CAB39L: variants seen among roughly 807,000 people sequenced by gnomAD.
The protein encoded by CAB39L is calcium-binding protein 39-like.
A neutral mutation model predicts 39.1 loss-of-function variants in CAB39L; 23 were observed. That is an observed-to-expected ratio of 0.59 (90% CI 0.42 to 0.83). The LOEUF is 0.83. CAB39L is among the 40% of genes least tolerant of loss of function. The pLI, the probability that CAB39L is intolerant of heterozygous loss-of-function variation, is 0.00. For missense variants in CAB39L, 366 were observed against 391.9 expected (o/e 0.93, Z 0.56); for synonymous variants, 126 against 137.2 (o/e 0.92, Z 0.57).
At position 49,395,775 on chromosome 13, in the gene CAB39L, A is replaced by G. The variant is rs543654166; in HGVS notation, c.-31-12834T>C. On this transcript the variant is annotated intron_variant, in intron 3 of 10. Transcript: ENST00000409308. ...CACCATTGAAGATGGCCCAAAATCA[A>G]CCACCCAATTGAGTCATCTGAATAT... 5.3e-5 allele frequency among the ~76,000 whole-genome samples: 8 copies of G among 152,176 alleles called. No homozygotes were observed. In the East Asian group the frequency reaches 1.3e-3, roughly 26 times the overall value.
chr13:49,420,847 A>G (rs1050222709), intron 3 of CAB39L, among the ~76,000 whole-genome samples: 17 of 152,180 alleles, frequency 1.1e-4, no homozygotes, highest in Admixed American at 9.2e-4. Context: ...AGAACTACAA[A>G]GCAGAAAAAA....
chr13:49,339,686 C>A lies in CAB39L; in HGVS notation c.681G>T (p.Gln227His), dbSNP rs749157308. ...LQSENYVTKR[Q>H]SLKLLGELIL... ...AGAAATTTGATATTACCTTTAAAGA[C>A]TGTCTCTTAGTAACATAATTCTCAG... The change falls in exon 9 of 11, where the codon CAG becomes CAT. Residue 227 changes from glutamine to histidine, a missense_variant. Gln to His is a conservative substitution (Grantham distance 24). Coordinates refer to ENST00000409308, the MANE Select transcript of CAB39L (RefSeq NM_001079670.3). 6 of 1,571,850 alleles carry A rather than the reference C, an allele frequency of 3.8e-6. No homozygotes were observed. The highest frequency in any genetic ancestry group is 5.2e-6 in the Non-Finnish European group (6 of 1,162,844).
chr13:49,402,818 G>C (rs1490047497), intron 3 of CAB39L, among the ~76,000 whole-genome samples: 6 of 152,006 alleles, frequency 3.9e-5, no homozygotes, highest in Admixed American at 3.9e-4. Context: ...TATTAAATAG[G>C]TATCAAAGAC....
chr13:49,364,387 G>C (rs960032782), intron 5 of CAB39L, among the ~76,000 whole-genome samples: 1 of 152,136 alleles, frequency 6.6e-6, no homozygotes, highest in African/African-American at 2.4e-5. Context: ...CTTAGATTTG[G>C]AGCATGACAA....
At chr13:49,341,255 T>C (rs6561520) in intron 8 of CAB39L, among the ~76,000 whole-genome samples, 42,214 of 151,546 alleles carry the variant, frequency 0.28, 6,145 homozygotes, top group East Asian at 0.48. Context: ...TTTCTTTTTC[T>C]TTTTCTTTTT....
intron 7 of CAB39L, among the ~76,000 whole-genome samples, chr13:49,349,129 C>T (rs1340587687): frequency 6.6e-6 from 1 of 152,136 alleles, no homozygotes; most frequent in Non-Finnish European, 1.5e-5. Context: ...GCAGAGCAAA[C>T]CACTGCTTTC....
chr13:49,408,224 C>T (rs946980104), intron 3 of CAB39L, among the ~76,000 whole-genome samples: 5 of 152,058 alleles, frequency 3.3e-5, no homozygotes, highest in African/African-American at 1.2e-4. Context: ...AATTGAGAGA[C>T]GAGTCAAGAT....
At position 49,378,526 on chromosome 13, in the gene CAB39L, G is replaced by A. The variant is rs1351537900; in HGVS notation, c.112-1395C>T. On this transcript the variant is annotated intron_variant, in intron 4 of 10. Transcript: ENST00000409308. Reference sequence around the variant, plus strand: ...CTCAGCCCGGCCAGCCACCCCGTCCGGGAGGGAGATGGGGGGGTCAGCCCC... The same window carrying A: ...CTCAGCCCGGCCAGCCACCCCGTCCAGGAGGGAGATGGGGGGGTCAGCCCC... Among the ~76,000 whole-genome samples the A allele has an allele frequency of 6.3e-5, 4 of 63,134 alleles. 1 individual carries two copies. Among genetic ancestry groups the A allele is most frequent in the Admixed American group, 1.2e-4 (1 of 8,570 alleles). 41.4% of individuals were successfully genotyped at this position (63,134 alleles called of 152,430 possible).
At chr13:49,390,731 C>T (rs1235412738) in intron 3 of CAB39L, among the ~76,000 whole-genome samples, 2 of 151,986 alleles carry the variant, frequency 1.3e-5, no homozygotes, top group Non-Finnish European at 2.9e-5. Flanking sequence ...AATAGAATAG[C>T]TGATTGGTAG....
intron 9 of CAB39L, among the ~76,000 whole-genome samples, chr13:49,335,619 T>C (rs1954824824): frequency 6.6e-6 from 1 of 152,110 alleles, no homozygotes; most frequent in Non-Finnish European, 1.5e-5. Context: ...ATGCAGCAAG[T>C]GGAAATAAGT....
At chr13:49,440,574 C>A (rs1233802327) in intron 1 of CAB39L, among the ~76,000 whole-genome samples, 1 of 151,816 alleles carries the variant, frequency 6.6e-6, no homozygotes, top group East Asian at 1.9e-4. Flanking sequence ...GGCAGTATGG[C>A]GATTCTAATG....
At chr13:49,314,371 GA>G (rs963696718) in intron 10 of CAB39L, among the ~76,000 whole-genome samples, 2 of 152,192 alleles carry the variant, frequency 1.3e-5, no homozygotes, top group Non-Finnish European at 2.9e-5. Flanking sequence ...TAAGTCTCCT[GA>G]AAGCCTTCTG....
chr13:49,409,015 G>A (rs1332930380), intron 3 of CAB39L, among the ~76,000 whole-genome samples: 1 of 152,154 alleles, frequency 6.6e-6, no homozygotes, highest in African/African-American at 2.4e-5. Flanking sequence ...CAAAGCAAAG[G>A]TATTAGTGGG....
intron 3 of CAB39L, among the ~76,000 whole-genome samples, chr13:49,416,080 T>C (rs1171988588): frequency 6.6e-6 from 1 of 152,180 alleles, no homozygotes; most frequent in African/African-American, 2.4e-5. Context: ...CTACTGACTT[T>C]CCTAACAAGC....
intron 3 of CAB39L, among the ~76,000 whole-genome samples, chr13:49,398,217 T>C (rs1156847333): frequency 6.6e-6 from 1 of 152,100 alleles, no homozygotes; most frequent in Non-Finnish European, 1.5e-5. Flanking sequence ...TGCTAGAAGT[T>C]TGAGACATTT....
rs1468572997 is a variant in CAB39L, at chr13:49,433,407, A to C, written c.-107-14T>G. 8.9e-6 allele frequency: 4 copies of C among 450,048 alleles called. No homozygotes were observed. In the Admixed American group the frequency reaches 9.8e-5, roughly 11 times the overall value. The allele number at this position is 450,048 out of a possible 1,614,324, so 27.9% of individuals were successfully genotyped here. On this transcript the variant is annotated splice_polypyrimidine_tract_variant and intron_variant, in intron 2 of 10. Coordinates refer to ENST00000409308, the MANE Select transcript of CAB39L (RefSeq NM_001079670.3). ...TCACCACAGCTTCTGACAAAAAGAAAAGCTTTAAAATTAATTTTTAAAGTC... is the reference window on the plus strand; with the variant it reads ...TCACCACAGCTTCTGACAAAAAGAACAGCTTTAAAATTAATTTTTAAAGTC...
rs1331717053 is a variant in CAB39L, at chr13:49,377,779, A to G, written c.112-648T>C. ...CCCAGCCGCCTGCCTTGGCCTCCCAAAGTGCCGAGATTGCAGCCTCTGCCC... is the reference window on the plus strand; with the variant it reads ...CCCAGCCGCCTGCCTTGGCCTCCCAGAGTGCCGAGATTGCAGCCTCTGCCC... On this transcript the variant is annotated intron_variant, in intron 4 of 10. Coordinates refer to ENST00000409308, the MANE Select transcript of CAB39L (RefSeq NM_001079670.3). Among the ~76,000 whole-genome samples the G allele has an allele frequency of 8.8e-5, 8 of 91,248 alleles. No homozygotes were observed. The South Asian group carries it at 1.1e-3, about 12-fold the overall frequency. 59.9% of individuals were successfully genotyped at this position (91,248 alleles called of 152,430 possible).
chr13:49,363,461 A>G (rs961942158), intron 5 of CAB39L, among the ~76,000 whole-genome samples: 2 of 152,158 alleles, frequency 1.3e-5, no homozygotes, highest in African/African-American at 4.8e-5. Flanking sequence ...TGGTATACGC[A>G]TGCCTCATGG....
chr13:49,405,168 C>T (rs1368085438), intron 3 of CAB39L, among the ~76,000 whole-genome samples: 1 of 151,810 alleles, frequency 6.6e-6, no homozygotes, highest in Non-Finnish European at 1.5e-5. Context: ...AAGAAAGATC[C>T]TAAAAGCAGC....
Sources: gnomAD v4.1 joint callset for allele counts (sites outside exome capture counted in the v4.1 genomes callset) on GRCh38, gnomAD v4.1.1 for gene constraint, MANE v1.5 for transcripts, NCBI Gene and HGNC (gene_info 2026-07-23, HGNC 2026-07-21) for gene names.